The following TDRD12 variants were observed in gnomAD, a reference collection of about 807,000 sequenced individuals.
TDRD12 encodes tudor domain containing 12, also known as putative ATP-dependent RNA helicase TDRD12.
In TDRD12, 158 loss-of-function variants were observed where a neutral mutation model predicts 133.5. The observed-to-expected ratio is 1.18, with a 90% CI of 1.04 to 1.35. The LOEUF is 1.35. Ranked by LOEUF, TDRD12 falls within the 40% of genes most tolerant of loss-of-function variation. TDRD12 has a pLI of 0.00. For missense variants in TDRD12, 1,443 were observed against 1,321.3 expected (o/e 1.09, Z -1.43); for synonymous variants, 460 against 477.9 (o/e 0.96, Z 0.49).
intron 8 of TDRD12, among the ~76,000 whole-genome samples, chr19:32,758,805 C>T (rs1385664771): frequency 6.6e-6 from 1 of 150,892 alleles, no homozygotes; most frequent in Non-Finnish European, 1.5e-5. Context: ...TGTGGTTGCA[C>T]ATGCCTGTAG....
chr19:32,796,422 TA>T (rs1971229445), intron 14 of TDRD12, among the ~76,000 whole-genome samples: 1 of 151,944 alleles, frequency 6.6e-6, no homozygotes, highest in Non-Finnish European at 1.5e-5. Flanking sequence ...CTGTCTCTAC[TA>T]AAAATACAAA....
In TDRD12 at chr19:32,739,025, T is replaced by G. The variant is rs191289419; in HGVS notation, c.320+33T>G. 5 of 1,548,188 alleles carry G rather than the reference T, an allele frequency of 3.2e-6. No individual in the cohort carries two copies. The East Asian group carries it at 1.2e-4, about 38-fold the overall frequency. On this transcript the variant is annotated intron_variant, in intron 3 of 27. Coordinates refer to ENST00000444215, the Ensembl canonical transcript of TDRD12. ...CATGTTTATCTCACCTTACGCTCTTTTCAGAGACAAATGTCAGTTTCAAAG... is the reference window on the plus strand; with the variant it reads ...CATGTTTATCTCACCTTACGCTCTTGTCAGAGACAAATGTCAGTTTCAAAG...
At chr19:32,739,115 T>C in intron 3 of TDRD12, 123 bp downstream of exon 3, 2 of 1,198,160 alleles carry the variant, frequency 1.7e-6, no homozygotes, top group Non-Finnish European at 1.1e-6. Flanking sequence ...AAACTGGAGT[T>C]CTTTAGCTTC....
Position 32,758,326 on chromosome 19 carries a change from C to CA in TDRD12, c.865+1202dup, listed in dbSNP as rs373616061. ...GCCTGCTGATTGGTTAGTGAGTATG[C>CA]AAAAAAGGTTAAAGCAAACACACCA... On this transcript the variant is annotated intron_variant, in intron 8 of 27. Transcript: ENST00000444215. Among the ~76,000 whole-genome samples the CA allele has an allele frequency of 8.9e-4, 135 of 151,688 alleles. 1 individual carries two copies. Among genetic ancestry groups the CA allele is most frequent in the Middle Eastern group, 6.8e-3 (2 of 294 alleles).
At chr19:32,728,748 C>G (rs1170061124) in intron 1 of TDRD12, among the ~76,000 whole-genome samples, 1 of 149,660 alleles carries the variant, frequency 6.7e-6, no homozygotes, top group African/African-American at 2.5e-5. Context: ...TGGGTTCACT[C>G]CATTCTTCTG....
intron 11 of TDRD12, 79 bp from the exon 12 acceptor site, chr19:32,790,452 C>A: frequency 7.2e-7 from 1 of 1,389,134 alleles, no homozygotes; most frequent in Non-Finnish European, 9.9e-7. Flanking sequence ...CTATCTCTGT[C>A]AAGGAAGAAC....
intron 8 of TDRD12, 34 bp from the exon 9 acceptor site, chr19:32,772,719 G>T (rs535676102): frequency 1.6e-6 from 2 of 1,269,804 alleles, no homozygotes; most frequent in African/African-American, 1.6e-5. Flanking sequence ...TCACTTTTTG[G>T]TGTAGCTTTT....
At chr19:32,787,432 G>A (rs1970939602) in intron 11 of TDRD12, among the ~76,000 whole-genome samples, 1 of 152,184 alleles carries the variant, frequency 6.6e-6, no homozygotes. Context: ...GTGCTGTGCT[G>A]GGAGAACCAC....
intron 21 of TDRD12, among the ~76,000 whole-genome samples, chr19:32,806,022 G>T (rs763088669): frequency 6.6e-6 from 1 of 151,750 alleles, no homozygotes; most frequent in East Asian, 1.9e-4. Flanking sequence ...GTGAGCCACC[G>T]CACCCGGCCT....
chr19:32,803,099 G>A (rs1003006525), exon 21 of TDRD12: 29 of 1,535,112 alleles, frequency 1.9e-5, no homozygotes, highest in Admixed American at 9.9e-5. Flanking sequence ...TAAGAAAGCC[G>A]GAAGGCCTCT....
chr19:32,724,837 T>TA (rs576822421), intron 1 of TDRD12, among the ~76,000 whole-genome samples: 64 of 152,364 alleles, frequency 4.2e-4, no homozygotes, highest in African/African-American at 1.5e-3. Context: ...ACCAACAGTA[T>TA]AAAAGCATTC....
downstream of TDRD12, among the ~76,000 whole-genome samples, chr19:32,823,231 A>G (rs1017340571): frequency 6.6e-6 from 1 of 152,156 alleles, no homozygotes; most frequent in African/African-American, 2.4e-5. Context: ...CTCATTGAGG[A>G]TGGAGAGTGT....
At chr19:32,761,104 A>T (rs1970136841) in intron 8 of TDRD12, among the ~76,000 whole-genome samples, 1 of 151,962 alleles carries the variant, frequency 6.6e-6, no homozygotes, top group South Asian at 2.1e-4. Flanking sequence ...TTTAGAGAAG[A>T]CGTTTCTTGT....
At chr19:32,805,958 C>T (rs1971536551) in intron 21 of TDRD12, among the ~76,000 whole-genome samples, 1 of 152,112 alleles carries the variant, frequency 6.6e-6, no homozygotes, top group Non-Finnish European at 1.5e-5. Context: ...TTTCGAACTC[C>T]TGACCTCAGC....
chr19:32,777,648 A>G (rs1185517090), intron 11 of TDRD12, among the ~76,000 whole-genome samples: 1 of 151,108 alleles, frequency 6.6e-6, no homozygotes, highest in African/African-American at 2.4e-5. Context: ...ATATTTACAT[A>G]GCAATTTTCG....
At chr19:32,740,966 C>G (rs1233866179) in intron 3 of TDRD12, among the ~76,000 whole-genome samples, 1 of 152,164 alleles carries the variant, frequency 6.6e-6, no homozygotes, top group Non-Finnish European at 1.5e-5. Context: ...GATGACTTTT[C>G]CATAGTTTCC....
At chr19:32,820,858 T>A (rs1164120185) in intron 27 of TDRD12, 175 bp from the exon 28 acceptor site, 2 of 587,774 alleles carry the variant, frequency 3.4e-6, no homozygotes, top group Non-Finnish European at 6.0e-6. Context: ...CCCATCATCC[T>A]TGTCGGAAGG....
chr19:32,733,197 G>A (rs936784758), intron 2 of TDRD12, among the ~76,000 whole-genome samples: 2 of 152,146 alleles, frequency 1.3e-5, no homozygotes, highest in Non-Finnish European at 2.9e-5. Context: ...AGCCGGGCGT[G>A]GTGGCCCACG....
intron 24 of TDRD12, among the ~76,000 whole-genome samples, chr19:32,813,238 C>G (rs1199616151): frequency 6.6e-6 from 1 of 152,178 alleles, no homozygotes; most frequent in Non-Finnish European, 1.5e-5. Flanking sequence ...AGACCAGGCC[C>G]TCAGCTCCAG....
Sources: allele counts gnomAD v4.1 joint callset (sites outside exome capture counted in the v4.1 genomes callset), GRCh38; gene constraint gnomAD v4.1.1; transcripts MANE v1.5; gene names NCBI Gene and HGNC (gene_info 2026-07-23, HGNC 2026-07-21).